Variants in FAAH2 observed in about 807,000 individuals in gnomAD.
FAAH2 encodes the protein fatty-acid amide hydrolase 2.
A neutral mutation model predicts 36.9 loss-of-function variants in FAAH2; 60 were observed. The observed-to-expected ratio is 1.63, with a 90% CI of 1.32 to 2.02. The LOEUF (loss-of-function observed/expected upper bound fraction) is 2.02, where lower values mean the gene tolerates loss of function less well. Ranked by LOEUF, FAAH2 falls within the 30% of genes most tolerant of loss-of-function variation. The pLI, the probability that FAAH2 is intolerant of heterozygous loss-of-function variation, is 0.00. For missense variants in FAAH2, 689 were observed against 397.5 expected, an observed-to-expected ratio of 1.73 and a Z score of -6.23; for synonymous variants, 214 against 143.8, an observed-to-expected ratio of 1.49 and a Z score of -3.49.
chrX:57,215,196 C>T, the FAAH2 span, among the ~76,000 whole-genome samples: 2 of 109,173 alleles, frequency 1.8e-5, no homozygotes, highest in African/African-American at 3.3e-5. Context: ...TTTATGTGAC[C>T]AACAAACATA....
intron 3 of FAAH2, among the ~76,000 whole-genome samples, chrX:57,330,952 C>T (rs2146999642): frequency 9.0e-6 from 1 of 110,502 alleles, no homozygotes; most frequent in Admixed American, 9.6e-5. Flanking sequence ...TGCAAGCAGG[C>T]AGGATCAGAC....
chrX:57,440,250 ATTTG>A (rs1445525010), intron 8 of FAAH2, among the ~76,000 whole-genome samples: 1 of 111,460 alleles, frequency 9.0e-6, no homozygotes, highest in Non-Finnish European at 1.9e-5. Context: ...ATCTTCTTCT[ATTTG>A]TTTGTGTCCT....
chrX:57,352,050 G>A (rs5914985), intron 5 of FAAH2, among the ~76,000 whole-genome samples: 407 of 3,168 alleles, frequency 0.13, 69 homozygotes, highest in Middle Eastern at 0.5. Flanking sequence ...ATATATATGT[G>A]TATATATATA....
chrX:57,242,931 G>T, the FAAH2 span, among the ~76,000 whole-genome samples: 1 of 111,932 alleles, frequency 8.9e-6, no homozygotes, highest in African/African-American at 3.2e-5. Flanking sequence ...CCTGGAAAGG[G>T]GGCTGAAGCC....
At chrX:57,409,420 A>T (rs1046316858) in intron 7 of FAAH2, among the ~76,000 whole-genome samples, 18 of 110,722 alleles carry the variant, frequency 1.6e-4, no homozygotes, top group African/African-American at 5.9e-4. Context: ...TAGGTCTGTA[A>T]TTTTTTTCCT....
chrX:57,207,059 A>G, the FAAH2 span, among the ~76,000 whole-genome samples: 2 of 110,658 alleles, frequency 1.8e-5, no homozygotes, highest in African/African-American at 6.6e-5. Context: ...GATATACTAA[A>G]CCTTGGTGAG....
chrX:57,464,308 C>T (rs1041566069), intron 10 of FAAH2, among the ~76,000 whole-genome samples: 4 of 110,347 alleles, frequency 3.6e-5, no homozygotes, highest in Middle Eastern at 4.6e-3. Flanking sequence ...CTAATGTATG[C>T]GGGGCTTAAA....
At chrX:57,376,588 T>A (rs188290481) in intron 5 of FAAH2, among the ~76,000 whole-genome samples, 1 of 112,251 alleles carries the variant, frequency 8.9e-6, no homozygotes, top group East Asian at 2.8e-4. Context: ...AAGTCTTTGC[T>A]ATTGTGAATA....
chrX:57,157,248 T>A, the FAAH2 span, among the ~76,000 whole-genome samples: 15 of 111,897 alleles, frequency 1.3e-4, no homozygotes, highest in African/African-American at 4.2e-4. Context: ...GCTGGTGTCC[T>A]GCTGAATCTC....
the FAAH2 span, among the ~76,000 whole-genome samples, chrX:57,232,420 C>G: frequency 8.9e-6 from 1 of 112,130 alleles, no homozygotes; most frequent in African/African-American, 3.2e-5. Context: ...GTGACCTACA[C>G]AAAGTGCCAG....
At chrX:57,332,741 A>G (rs981734564) in intron 4 of FAAH2, among the ~76,000 whole-genome samples, 1 of 111,973 alleles carries the variant, frequency 8.9e-6, no homozygotes, top group Non-Finnish European at 1.9e-5. Flanking sequence ...CTGAGTGAAG[A>G]TTGGAGAGAA....
intron 10 of FAAH2, among the ~76,000 whole-genome samples, chrX:57,479,907 C>T (rs1476684111): frequency 9.0e-6 from 1 of 111,086 alleles, no homozygotes; most frequent in Non-Finnish European, 1.9e-5. Context: ...CAAATAGACG[C>T]AATAAAAAAT....
At chrX:57,216,548 ATG>A in the FAAH2 span, among the ~76,000 whole-genome samples, 535 of 56,586 alleles carry the variant, frequency 9.5e-3, 8 homozygotes, top group African/African-American at 0.033. Flanking sequence ...ATATACGTAT[ATG>A]TATATATATA....
the FAAH2 span, among the ~76,000 whole-genome samples, chrX:57,276,345 G>A: frequency 8.9e-6 from 1 of 111,800 alleles, no homozygotes; most frequent in South Asian, 3.7e-4. Context: ...ATGAAATGAA[G>A]GCAGAAATAA....
chrX:57,461,145 TA>T (rs34905766), intron 10 of FAAH2, among the ~76,000 whole-genome samples: 178 of 101,467 alleles, frequency 1.8e-3, no homozygotes, highest in Non-Finnish European at 2.2e-3. Flanking sequence ...ACCAGATTAA[TA>T]AAAAAAAAAA....
At chrX:57,381,096 C>T in intron 7 of FAAH2, 67 bp downstream of exon 7, 3 of 773,736 alleles carry the variant, frequency 3.9e-6, no homozygotes, top group South Asian at 2.6e-5. Flanking sequence ...GAGCCCTTTA[C>T]TTCACTTACT....
At chrX:57,292,400 A>G (rs2052011082) in intron 1 of FAAH2, 98 bp from the exon 2 acceptor site, 7 of 774,405 alleles carry the variant, frequency 9.0e-6, no homozygotes, top group Non-Finnish European at 7.5e-6. Context: ...AAGTGTCTCA[A>G]AAAATGATTA....
chrX:57,271,813 G>A, the FAAH2 span, among the ~76,000 whole-genome samples: 1 of 111,108 alleles, frequency 9.0e-6, no homozygotes, highest in Admixed American at 9.6e-5. Context: ...GTGCTAAAAG[G>A]ATATAAATAC....
intron 10 of FAAH2, among the ~76,000 whole-genome samples, chrX:57,481,729 T>G (rs759902771): frequency 1.8e-5 from 2 of 112,327 alleles, no homozygotes; most frequent in South Asian, 7.5e-4. Context: ...GGGACCCAGC[T>G]GAGGTGGCAT....
Sources: allele counts gnomAD v4.1 joint callset (sites outside exome capture counted in the v4.1 genomes callset), GRCh38; gene constraint gnomAD v4.1.1; transcripts MANE v1.5; gene names NCBI Gene and HGNC (gene_info 2026-07-23, HGNC 2026-07-21).